LRRC61: variants seen among roughly 807,000 people sequenced by gnomAD.
LRRC61 encodes the protein leucine-rich repeat-containing protein 61.
In LRRC61, 9 loss-of-function variants were observed where a neutral mutation model predicts 15.1. The ratio of observed to expected loss-of-function variants is 0.60; its 90% CI spans 0.36 to 1.04. The LOEUF is 1.04. LRRC61 is among the 50% of genes least tolerant of loss of function. The probability of loss-of-function intolerance (pLI) is 0.01; values close to 1 mark genes in which losing one functional copy is unlikely to be tolerated. For synonymous variants in LRRC61, 173 were observed against 158.6 expected (o/e 1.09, Z -0.68); for missense variants, 344 against 335.6 (o/e 1.03, Z -0.20).
chr7:150,337,124 C>T lies in LRRC61; in HGVS notation c.263C>T (p.Thr88Met), dbSNP rs139556045. Residue 88 changes from threonine (T) to methionine (M), a missense_variant, in exon 3 of 3, where the codon ACG becomes ATG. Coordinates refer to ENST00000359623, the MANE Select transcript of LRRC61 (RefSeq NM_001142928.2). ...AVLNVSNNRL[T>M]GLEPLATCEN... is the part of the protein sequence containing the mutation. ...CTCAATGTCTCCAACAATCGGCTGA[C>T]GGGCCTGGAGCCACTGGCCACCTGT... 37 of 1,611,838 alleles carry T rather than the reference C, an allele frequency of 2.3e-5. No individual in the cohort carries two copies. Among genetic ancestry groups the T allele is most frequent in the East Asian group, 1.1e-4 (5 of 44,884 alleles).
At position 150,333,850 on chromosome 7, in the gene LRRC61, C is replaced by T. The variant is rs1010349515; in HGVS notation, c.-144-2868C>T. 9 of 973,432 alleles carry T rather than the reference C, an allele frequency of 9.2e-6. No individual in the cohort carries two copies. In the African/African-American group the frequency reaches 1.6e-4, roughly 17 times the overall value. The allele number at this position is 973,432 out of a possible 1,614,324, so 60.3% of individuals were successfully genotyped here. A position where few individuals can be genotyped will look rare whatever the true frequency, so the allele number is the denominator to read the frequency against. ...GGTGGGCGCCGGCTGGTTCTCAGTCCTACTGGGCTACCTGTTTGCAGTGTG... is the reference window on the plus strand; with the variant it reads ...GGTGGGCGCCGGCTGGTTCTCAGTCTTACTGGGCTACCTGTTTGCAGTGTG... On this transcript the variant is annotated intron_variant, in intron 2 of 2. Transcript: ENST00000359623. The surrounding 1 kb of genome is among the most constrained non-coding windows in gnomAD (Gnocchi z 4.3).
chr7:150,333,301 A>G lies in LRRC61; in HGVS notation c.-144-3417A>G, dbSNP rs1042170824. ...TTTTGTCCCCCAGTGGACATTGACA[A>G]TGTCTGGAGGTGTCTTTAGTTGTTC... On this transcript the variant is annotated intron_variant, in intron 2 of 2. Coordinates refer to ENST00000359623, the MANE Select transcript of LRRC61 (RefSeq NM_001142928.2). The surrounding 1 kb of genome is among the most constrained non-coding windows in gnomAD (Gnocchi z 4.3). 1.3e-5 allele frequency among the ~76,000 whole-genome samples: 2 copies of G among 152,134 alleles called. No individual in the cohort carries two copies. Among genetic ancestry groups the G allele is most frequent in the East Asian group, 1.9e-4 (1 of 5,182 alleles).
rs3735168 is a variant in LRRC61, at chr7:150,337,862, G to A, written c.*221G>A. 0.017 allele frequency: 9,906 copies of A among 579,018 alleles called. 436 individuals carry two copies. The highest frequency in any genetic ancestry group is 0.14 in the East Asian group (4,508 of 33,138). The allele number at this position is 579,018 out of a possible 1,614,324, so 35.9% of individuals were successfully genotyped here. ...AGCAGGTGTAAGGGCTCCCACATCC[G>A]TGAGCCTGTGTCCGCAGCTGCTGCC... is the stretch of plus-strand genomic sequence containing the variant. On this transcript the variant is annotated 3_prime_UTR_variant, in exon 3 of 3. Transcript: ENST00000359623.
At chr7:150,312,978 T>A in the LRRC61 span, among the ~76,000 whole-genome samples, 1 of 152,148 alleles carries the variant, frequency 6.6e-6, no homozygotes, top group Non-Finnish European at 1.5e-5. Context: ...CCTTATGACA[T>A]TCCACCATTA....
chr7:150,327,372 G>C (rs530362518), intron 2 of LRRC61, among the ~76,000 whole-genome samples: 1 of 152,272 alleles, frequency 6.6e-6, no homozygotes, highest in East Asian at 1.9e-4. Context: ...GTTCAGGACT[G>C]AGGGGCAGGG....
Position 150,330,625 on chromosome 7 carries a change from C to A in LRRC61, c.-145+4615C>A. On this transcript the variant is annotated intron_variant, in intron 2 of 2. Transcript: ENST00000359623. The surrounding 1 kb of genome is among the most constrained non-coding windows in gnomAD (Gnocchi z 4.6). ...TTCTACCGCGAGGAGTTTGTGCTGG[C>A]CACCTTGCTGGACCCTTGCTTCAAG... 1 of 893,204 alleles carries A rather than the reference C, an allele frequency of 1.1e-6. No individual in the cohort carries two copies. The highest frequency in any genetic ancestry group is 1.9e-6 in the Non-Finnish European group (1 of 521,110). The allele number at this position is 893,204 out of a possible 1,614,324, so 55.3% of individuals were successfully genotyped here.
the LRRC61 span, among the ~76,000 whole-genome samples, chr7:150,316,509 G>A: frequency 7.6e-6 from 1 of 131,148 alleles, no homozygotes; most frequent in African/African-American, 2.9e-5. Context: ...TTTTTTTTGA[G>A]GCGGAGTCTC....
Position 150,333,515 on chromosome 7 carries a change from G to C in LRRC61, c.-144-3203G>C, listed in dbSNP as rs977039527. Among the ~76,000 whole-genome samples, 1 of 152,208 alleles carries C rather than the reference G, an allele frequency of 6.6e-6. No homozygotes were observed. The highest frequency in any genetic ancestry group is 2.4e-5 in the African/African-American group (1 of 41,458). On this transcript the variant is annotated intron_variant, in intron 2 of 2. Coordinates refer to ENST00000359623, the MANE Select transcript of LRRC61 (RefSeq NM_001142928.2). This position sits in a 1 kb window ranked among gnomAD's most constrained non-coding sequence, Gnocchi z 4.3. ...CTCCAGTCCACCCGAGGCTGCTCTG[G>C]GTTGAAGCGTTCCTCCCCCTAGACT...
chr7:150,322,009 G>T (rs1017392130), upstream of LRRC61, among the ~76,000 whole-genome samples: 1 of 152,236 alleles, frequency 6.6e-6, no homozygotes, highest in African/African-American at 2.4e-5. Context: ...GGAGACAAAA[G>T]TTGTTCACTT....
Position 150,337,366 on chromosome 7 carries a change from G to A in LRRC61, c.505G>A (p.Gly169Ser). The A allele has an allele frequency of 6.2e-7, 1 of 1,605,300 alleles. No individual in the cohort carries two copies. The highest frequency in any genetic ancestry group is 1.1e-5 in the South Asian group (1 of 91,084). Reference sequence around the variant, plus strand: ...CGACGGTGAGCGTGTGATTGGGCGTGGTAGTGAGTTCTACCAGCTGTGCCG... The same window carrying A: ...CGACGGTGAGCGTGTGATTGGGCGTAGTAGTGAGTTCTACCAGCTGTGCCG... ...VIDGERVIGR[G>S]SEFYQLCRDL... Residue 169 changes from glycine to serine, a missense_variant, in exon 3 of 3, where the codon GGT becomes AGT. By Grantham distance (56) the Gly-to-Ser change is moderately conservative. Coordinates refer to ENST00000359623, the MANE Select transcript of LRRC61 (RefSeq NM_001142928.2).
At chr7:150,322,152 T>G (rs549673526), upstream of LRRC61, among the ~76,000 whole-genome samples, 4 of 152,300 alleles carry the variant, frequency 2.6e-5, no homozygotes, top group South Asian at 8.3e-4. Context: ...GGCCCAGATG[T>G]TCTCTGGGTT....
At position 150,337,075 on chromosome 7, in the gene LRRC61, GCCT is replaced by G. The variant is rs1462974856; in HGVS notation, c.218_220del (p.Ser73del). ...CGCGCTCACCCACCTGGGCCCGCTG[GCCT>G]CCTTGCGCCAGCTAGCTGTGCTCAA... is the stretch of plus-strand genomic sequence containing the variant. On this transcript the variant is annotated inframe_deletion, in exon 3 of 3. Transcript: ENST00000359623. 3 of 1,612,618 alleles carry G rather than the reference GCCT, an allele frequency of 1.9e-6. No homozygotes were observed. In the African/African-American group the frequency reaches 4.0e-5, roughly 22 times the overall value.
intron 2 of LRRC61, among the ~76,000 whole-genome samples, chr7:150,326,525 A>G (rs1375662244): frequency 6.6e-6 from 1 of 151,868 alleles, no homozygotes; most frequent in African/African-American, 2.4e-5. Context: ...TCTACAGAAA[A>G]CACAAAAATT....
upstream of LRRC61, among the ~76,000 whole-genome samples, chr7:150,319,333 G>A (rs773020857): frequency 4.6e-5 from 7 of 151,646 alleles, no homozygotes; most frequent in East Asian, 3.9e-4. Context: ...TTGGCCTCCC[G>A]AATAGCTGGG....
Position 150,330,773 on chromosome 7 carries a change from G to T in LRRC61, c.-145+4763G>T. ...ACTCTTTGAACTCCCCAAGTCCCCT[G>T]CAAAGCCCCAGGGGTCTGTGCGTGG... is the stretch of plus-strand genomic sequence containing the variant. On this transcript the variant is annotated intron_variant, in intron 2 of 2. Transcript: ENST00000359623. This position sits in a 1 kb window ranked among gnomAD's most constrained non-coding sequence, Gnocchi z 4.6. 1 of 1,613,830 alleles carries T rather than the reference G, an allele frequency of 6.2e-7. No individual in the cohort carries two copies. Among genetic ancestry groups the T allele is most frequent in the Non-Finnish European group, 8.5e-7 (1 of 1,179,986 alleles).
rs1455521935 is a variant in LRRC61 at position 150,330,209 on chromosome 7, C to T, written c.-145+4199C>T. On this transcript the variant is annotated intron_variant, in intron 2 of 2. Coordinates refer to ENST00000359623, the MANE Select transcript of LRRC61 (RefSeq NM_001142928.2). The surrounding 1 kb of genome is among the most constrained non-coding windows in gnomAD (Gnocchi z 4.6). ...CCCAGCTCCAGCGCCAGCGCAGCCTCCTAGCCCACCAGCCCTTTGAGGAGC... is the reference window on the plus strand; with the variant it reads ...CCCAGCTCCAGCGCCAGCGCAGCCTTCTAGCCCACCAGCCCTTTGAGGAGC... The T allele has an allele frequency of 6.7e-6, 4 of 597,062 alleles. No individual in the cohort carries two copies. The highest frequency in any genetic ancestry group is 3.0e-5 in the Admixed American group (1 of 33,424). 37.0% of individuals were successfully genotyped at this position (597,062 alleles called of 1,614,324 possible).
At chr7:150,323,242 G>C (rs1323675626), upstream of LRRC61, 2 of 240,246 alleles carry the variant, frequency 8.3e-6, no homozygotes, top group South Asian at 7.9e-5. Flanking sequence ...TGCGAGGCGG[G>C]GGGTGCGCGC....
chr7:150,316,549 G>C, the LRRC61 span, among the ~76,000 whole-genome samples: 1 of 141,940 alleles, frequency 7.0e-6, no homozygotes, highest in South Asian at 2.3e-4. Context: ...GCAGTGGCGC[G>C]ATCTCAGCTC....
At chr7:150,315,774 G>A in the LRRC61 span, among the ~76,000 whole-genome samples, 3 of 151,734 alleles carry the variant, frequency 2.0e-5, no homozygotes, top group African/African-American at 4.8e-5. Context: ...ATTCATACAT[G>A]TGTGTATTCT....
Sources: gnomAD v4.1 joint callset for allele counts (sites outside exome capture counted in the v4.1 genomes callset) on GRCh38, gnomAD v4.1.1 for gene constraint, Gnocchi (gnomAD v3.1) non-coding constraint, MANE v1.5 for transcripts, NCBI Gene and HGNC (gene_info 2026-07-23, HGNC 2026-07-21) for gene names.